The following HAVCR1 variants were observed in gnomAD, a reference collection of about 807,000 sequenced individuals.
The protein encoded by HAVCR1 is hepatitis A virus cellular receptor 1.
Under a neutral mutation model 32.0 loss-of-function variants are expected in HAVCR1, and 34 were observed. The ratio of observed to expected loss-of-function variants is 1.06; its 90% CI spans 0.81 to 1.42. HAVCR1 has a LOEUF of 1.42. Among genes scored for constraint, HAVCR1 ranks in the 40% most tolerant of loss-of-function variants. The probability of loss-of-function intolerance (pLI) is 0.00; values close to 1 mark genes in which losing one functional copy is unlikely to be tolerated. For missense variants in HAVCR1, 420 were observed against 442.3 expected, an observed-to-expected ratio of 0.95 and a Z score of 0.45; for synonymous variants, 178 against 170.3, an observed-to-expected ratio of 1.05 and a Z score of -0.35.
rs575621790 is a variant in HAVCR1 at position 157,046,569 on chromosome 5, G to A, written c.781+2469C>T. On this transcript the variant is annotated intron_variant, in intron 5 of 8. Coordinates refer to ENST00000523175, the MANE Select transcript of HAVCR1 (RefSeq NM_001173393.3). The stretch of plus-strand genomic sequence containing the variant: ...TGGTGTGGGTGTCCTCAACTCATCT[G>A]TCTTAGTCTGTTCAGGCTGCTATGA... 3.9e-5 allele frequency among the ~76,000 whole-genome samples: 6 copies of A among 152,300 alleles called. No homozygotes were observed. The East Asian group carries it at 9.6e-4, about 24-fold the overall frequency.
chr5:157,035,251 C>A (rs917937716), intron 7 of HAVCR1, among the ~76,000 whole-genome samples: 2 of 152,080 alleles, frequency 1.3e-5, no homozygotes, highest in Admixed American at 1.3e-4. Flanking sequence ...GTATTTTACC[C>A]AATTTCTAAA....
upstream of HAVCR1, among the ~76,000 whole-genome samples, chr5:157,059,290 G>T (rs1178186034): frequency 6.6e-6 from 1 of 152,204 alleles, no homozygotes; most frequent in Non-Finnish European, 1.5e-5. Context: ...AACTTCCAAG[G>T]AGGCAGTGGT....
intron 8 of HAVCR1, among the ~76,000 whole-genome samples, chr5:157,032,476 C>T (rs1754235549): frequency 6.6e-6 from 1 of 152,198 alleles, no homozygotes; most frequent in East Asian, 1.9e-4. Context: ...CGAGAAGGTG[C>T]CATTGCACTC....
At chr5:157,040,378 C>T (rs569069899) in intron 6 of HAVCR1, among the ~76,000 whole-genome samples, 5 of 152,220 alleles carry the variant, frequency 3.3e-5, no homozygotes, top group South Asian at 2.1e-4. Flanking sequence ...TCTAGCCACA[C>T]GTCAACACAT....
At chr5:157,047,802 C>T (rs1021103432) in intron 5 of HAVCR1, among the ~76,000 whole-genome samples, 2 of 152,116 alleles carry the variant, frequency 1.3e-5, no homozygotes, top group African/African-American at 4.8e-5. Context: ...TTGTGGGAAC[C>T]CCAACTTGAA....
intron 8 of HAVCR1, among the ~76,000 whole-genome samples, chr5:157,030,581 AG>A (rs1212827390): frequency 6.6e-6 from 1 of 150,788 alleles, no homozygotes; most frequent in Non-Finnish European, 1.5e-5. Context: ...TGAACCCAGG[AG>A]GTAGAGGTTG....
At position 157,031,794 on chromosome 5, in the gene HAVCR1, C is replaced by CAAA. The variant is rs57821791; in HGVS notation, c.986+1057_986+1059dup. 7.9e-3 allele frequency among the ~76,000 whole-genome samples: 840 copies of CAAA among 106,526 alleles called. 3 individuals are homozygous for CAAA. The highest frequency in any genetic ancestry group is 9.8e-3 in the Non-Finnish European group (521 of 53,326). 69.9% of individuals were successfully genotyped at this position (106,526 alleles called of 152,430 possible). A position where few individuals can be genotyped will look rare whatever the true frequency, so the allele number is the denominator to read the frequency against. ...CCATTGCATTCCAGCCTGGGTGTCT[C>CAAA]AAAAAAAAAAAAAAAAAAAAAAGTA... On this transcript the variant is annotated intron_variant, in intron 8 of 8. Coordinates refer to ENST00000523175, the MANE Select transcript of HAVCR1 (RefSeq NM_001173393.3).
chr5:157,055,422 G>A lies in HAVCR1; in HGVS notation c.158C>T (p.Ser53Phe), dbSNP rs766596791. Residue 53 changes from serine (S) to phenylalanine (F), a missense_variant, in exon 3 of 9, where the codon TCT becomes TTT. By Grantham distance (155) the Ser-to-Phe change is radical. Transcript: ENST00000523175. ...AATGCCATTTTGGCATGTGAATAGA[G>A]AACATGAGCCTCTATTCCAGCACAT... ...TSMCWNRGSC[S>F]LFTCQNGIVW... 5.6e-6 allele frequency: 9 copies of A among 1,612,226 alleles called. No homozygotes were observed. The highest frequency in any genetic ancestry group is 1.1e-5 in the South Asian group (1 of 91,058).
At position 157,042,845 on chromosome 5, in the gene HAVCR1, A is replaced by G. The variant is rs149153840; in HGVS notation, c.782-163T>C. 1.4e-3 allele frequency among the ~76,000 whole-genome samples: 215 copies of G among 152,350 alleles called. 2 individuals carry two copies. Among genetic ancestry groups the G allele is most frequent in the Non-Finnish European group, 2.1e-3 (140 of 68,040 alleles). On this transcript the variant is annotated intron_variant, in intron 5 of 8. Transcript: ENST00000523175. ...AGTCATACCAAGTTATTAATGTTATATTAATTTCTCCTGTAAAGTTGTATT... is the reference window on the plus strand; with the variant it reads ...AGTCATACCAAGTTATTAATGTTATGTTAATTTCTCCTGTAAAGTTGTATT...
chr5:157,055,152 C>A (rs374135850), intron 3 of HAVCR1, 49 bp downstream of exon 3: 2 of 1,030,126 alleles, frequency 1.9e-6, no homozygotes, highest in South Asian at 1.7e-5. Context: ...AAATTACTAC[C>A]GAACAGAAAA....
Position 157,029,699 on chromosome 5 carries a change from A to C in HAVCR1, c.*34T>G, listed in dbSNP as rs1319495904. On this transcript the variant is annotated 3_prime_UTR_variant, in exon 9 of 9. Transcript: ENST00000523175. ...GATGTCTGTTCAGTCTTCTGCACTC[A>C]TGGGCGTAAACTCTCAAAGAGCACC... The C allele has an allele frequency of 6.2e-7, 1 of 1,612,374 alleles. No homozygotes were observed.
Position 157,049,116 on chromosome 5 carries a change from C to CTGTCGTAGGG in HAVCR1, c.702_703insCCCTACGACA (p.Ala235ProfsTer33). On this transcript the variant is annotated frameshift_variant, in exon 5 of 9. Transcript: ENST00000523175. LOFTEE classifies it high-confidence loss of function. ...TGCAGTGTCGTAGGGTGGGTTTCTG[C>CTGTCGTAGGG]TGGCTGAGGTGAAGATGGTGAAGTG... is the stretch of plus-strand genomic sequence containing the variant. 1.2e-6 allele frequency: 2 copies of CTGTCGTAGGG among 1,611,938 alleles called. No individual in the cohort carries two copies. Among genetic ancestry groups the CTGTCGTAGGG allele is most frequent in the South Asian group, 1.1e-5 (1 of 91,028 alleles).
intron 6 of HAVCR1, among the ~76,000 whole-genome samples, chr5:157,040,822 C>T (rs758383371): frequency 5.6e-4 from 85 of 152,218 alleles, no homozygotes; most frequent in Non-Finnish European, 1.0e-3. Flanking sequence ...ATCACTTGAA[C>T]CCGGAAGGTG....
chr5:157,034,123 C>T (rs1360159436), intron 7 of HAVCR1, among the ~76,000 whole-genome samples: 2 of 152,042 alleles, frequency 1.3e-5, no homozygotes, highest in South Asian at 2.1e-4. Flanking sequence ...AAGGGACCGG[C>T]GCTCAGCATA....
chr5:157,041,084 G>C (rs1465525994), intron 6 of HAVCR1, among the ~76,000 whole-genome samples: 2 of 152,142 alleles, frequency 1.3e-5, no homozygotes, highest in African/African-American at 4.8e-5. Flanking sequence ...CATGGAGGTA[G>C]AAGACTTTGA....
chr5:157,052,757 G>A (rs749707605), intron 3 of HAVCR1, 103 bp from the exon 4 acceptor site: 5 of 977,104 alleles, frequency 5.1e-6, no homozygotes, highest in Non-Finnish European at 7.9e-6. Context: ...CTGTCCCTAG[G>A]TGGAGTTAAC....
chr5:157,065,897 G>A, the HAVCR1 span, among the ~76,000 whole-genome samples: 1 of 149,676 alleles, frequency 6.7e-6, no homozygotes, highest in African/African-American at 2.5e-5. Flanking sequence ...TGTTAAAGCT[G>A]AGGTGGAAAT....
Position 157,055,499 on chromosome 5 carries a change from C to T in HAVCR1, c.81G>A (p.Glu27=). The T allele has an allele frequency of 6.3e-7, 1 of 1,598,300 alleles. No homozygotes were observed. Among genetic ancestry groups the T allele is most frequent in the Non-Finnish European group, 8.5e-7 (1 of 1,169,762 alleles). ...SVAGSVKVGG[E]AGPSVTLPCH... ...AGGGTAGTGTGACAGATGGACCTGC[C>T]TCTCCACCAACCTTTACAGAACCAG... Residue 27 remains glutamate (E), a synonymous_variant, in exon 3 of 9, where the codon GAG becomes GAA. Transcript: ENST00000523175.
chr5:157,044,420 GGAGAAAGAAAGAAAGAAAGAAA>G (rs1414415909), intron 5 of HAVCR1, among the ~76,000 whole-genome samples: 1 of 32,290 alleles, frequency 3.1e-5, no homozygotes, highest in African/African-American at 1.9e-4. Flanking sequence ...AAGGAAGGAA[GGAGAAAGAAAGAAAGAAAGAAA>G]GAAAGAAAGA....
Sources: gnomAD v4.1 joint callset for allele counts (sites outside exome capture counted in the v4.1 genomes callset) on GRCh38, gnomAD v4.1.1 for gene constraint, MANE v1.5 for transcripts, NCBI Gene and HGNC (gene_info 2026-07-23, HGNC 2026-07-21) for gene names.